The following CAMSAP3 variants were observed in gnomAD, a reference collection of about 807,000 sequenced individuals.
CAMSAP3 encodes calmodulin-regulated spectrin-associated protein 3.
Under a neutral mutation model 112.5 loss-of-function variants are expected in CAMSAP3, and 34 were observed. The ratio of observed to expected loss-of-function variants is 0.30; its 90% CI spans 0.23 to 0.40. The LOEUF is 0.40. Among genes scored for constraint, CAMSAP3 ranks in the 10% least tolerant of loss-of-function variants. The probability of loss-of-function intolerance (pLI) is 1.00; values close to 1 mark genes in which losing one functional copy is unlikely to be tolerated. For synonymous variants in CAMSAP3, 868 were observed against 799.8 expected (o/e 1.09, Z -1.44); for missense variants, 1,602 against 1,770.3 (o/e 0.90, Z 1.71).
At chr19:7,613,520 G>A (rs2030620679) in intron 11 of CAMSAP3, among the ~76,000 whole-genome samples, 1 of 149,530 alleles carries the variant, frequency 6.7e-6, no homozygotes, top group Admixed American at 6.7e-5. Flanking sequence ...AATGAGTGAG[G>A]CCCTCGGGTA....
intron 2 of CAMSAP3, 115 bp from the exon 3 acceptor site, chr19:7,606,156 A>AACTC: frequency 4.4e-6 from 1 of 224,848 alleles, no homozygotes; most frequent in Non-Finnish European, 8.5e-6. Flanking sequence ...CTCAAGCCCC[A>AACTC]CCCCCCCCGT....
chr19:7,595,967 G>C lies in CAMSAP3; in HGVS notation c.-36G>C, dbSNP rs1310989420. 9.7e-7 allele frequency: 1 copy of C among 1,027,424 alleles called. No homozygotes were observed. Among genetic ancestry groups the C allele is most frequent in the Admixed American group, 6.1e-5 (1 of 16,374 alleles). 63.6% of individuals were successfully genotyped at this position (1,027,424 alleles called of 1,614,324 possible). On this transcript the variant is annotated 5_prime_UTR_variant, in exon 1 of 17. Transcript: ENST00000160298. ...GGCGCAGCCCAGCCCAGCCCAGTCC[G>C]AGCGCGGACCCGGCGCCCGCAGCCC...
intron 1 of CAMSAP3, among the ~76,000 whole-genome samples, chr19:7,599,274 GCACTCATCCATCCACCCACCCACCC>G (rs2029863051): frequency 6.0e-5 from 3 of 50,138 alleles, no homozygotes; most frequent in African/African-American, 8.1e-5. Context: ...CCTACCCACT[GCACTCATCCATCCACCCACCCACCC>G]CACTCATCCA....
rs2030732613 is a variant in CAMSAP3 at position 7,615,487 on chromosome 19, T to G, written c.2880T>G (p.Pro960=). 3 of 1,540,520 alleles carry G rather than the reference T, an allele frequency of 1.9e-6. No individual in the cohort carries two copies. The highest frequency in any genetic ancestry group is 2.6e-6 in the Non-Finnish European group (3 of 1,145,650). Residue 960 remains proline (P), a synonymous_variant, in exon 13 of 17, where the codon CCT becomes CCG. Coordinates refer to ENST00000160298, the MANE Select transcript of CAMSAP3 (RefSeq NM_020902.2). The surrounding 1 kb of genome is among the most constrained non-coding windows in gnomAD (Gnocchi z 6.5). ...VSAVPMATPA[P]AARAPAEEEV... ...CAGTCCCGATGGCGACTCCAGCCCCTGCTGCCCGGGCTCCAGCCGAGGAGG... is the reference window on the plus strand; with the variant it reads ...CAGTCCCGATGGCGACTCCAGCCCCGGCTGCCCGGGCTCCAGCCGAGGAGG...
chr19:7,606,745 C>G, intron 4 of CAMSAP3, 174 bp downstream of exon 4: 1 of 1,613,710 alleles, frequency 6.2e-7, no homozygotes. Flanking sequence ...TGCCGGTACC[C>G]GCTGCCCTCC....
chr19:7,611,226 C>T lies in CAMSAP3; in HGVS notation c.1123+58C>T, dbSNP rs908784746. The stretch of plus-strand genomic sequence containing the variant: ...GGACCCCCCCACTCACAGACTGCCC[C>T]AGTGGGCCTCATGTTGTCTCCTCGT... On this transcript the variant is annotated intron_variant, in intron 9 of 16. Transcript: ENST00000160298. The surrounding 1 kb of genome is among the most constrained non-coding windows in gnomAD (Gnocchi z 6.9). The T allele has an allele frequency of 1.4e-5, 22 of 1,524,134 alleles. No individual in the cohort carries two copies. Among genetic ancestry groups the T allele is most frequent in the Non-Finnish European group, 1.8e-5 (20 of 1,101,022 alleles). The allele number at this position is 1,524,134 out of a possible 1,614,324, so 94.4% of individuals were successfully genotyped here.
chr19:7,615,534 A>G lies in CAMSAP3; in HGVS notation c.2927A>G (p.Asp976Gly). 1 of 1,533,558 alleles carries G rather than the reference A, an allele frequency of 6.5e-7. No homozygotes were observed. Among genetic ancestry groups the G allele is most frequent in the Non-Finnish European group, 8.8e-7 (1 of 1,142,460 alleles). 95.0% of individuals were successfully genotyped at this position (1,533,558 alleles called of 1,614,324 possible). Reference protein sequence around the residue: ...AEEEVGPRKGDFTRQEYERRA... With the variant: ...AEEEVGPRKGGFTRQEYERRA... ...GAGGAGGTGGGCCCCCGGAAGGGGG[A>G]CTTCACGCGGCAGGAGTACGAGCGC... is the stretch of plus-strand genomic sequence containing the variant. The change falls in exon 13 of 17, where the codon GAC becomes GGC. Residue 976 changes from aspartate (D) to glycine (G), a missense_variant. Transcript: ENST00000160298. The surrounding 1 kb of genome is among the most constrained non-coding windows in gnomAD (Gnocchi z 6.5).
At position 7,610,092 on chromosome 19, in the gene CAMSAP3, C is replaced by G. The variant is rs1203450029; in HGVS notation, c.761-384C>G. 1.3e-5 allele frequency among the ~76,000 whole-genome samples: 2 copies of G among 151,936 alleles called. No individual in the cohort carries two copies. The highest frequency in any genetic ancestry group is 2.9e-5 in the Non-Finnish European group (2 of 67,984). ...CCAGCACTTTGGGTGGCTGAGGCGG[C>G]CGGATCATGAAGTCAGGAGATCGAG... On this transcript the variant is annotated intron_variant, in intron 5 of 16. Transcript: ENST00000160298. This position sits in a 1 kb window ranked among gnomAD's most constrained non-coding sequence, Gnocchi z 4.9.
rs1423527071 is a variant in CAMSAP3, at chr19:7,605,217, C to T, written c.149-9C>T. 4 of 1,518,468 alleles carry T rather than the reference C, an allele frequency of 2.6e-6. No individual in the cohort carries two copies. The highest frequency in any genetic ancestry group is 2.5e-5 in the East Asian group (1 of 40,706). 94.1% of individuals were successfully genotyped at this position (1,518,468 alleles called of 1,614,324 possible). On this transcript the variant is annotated splice_polypyrimidine_tract_variant and intron_variant, in intron 1 of 16. Transcript: ENST00000160298. ...CTGACCCCCGTGTTTCCCCTCTATG[C>T]CCCCACAGAGCACGTGCCCCCGGAG... is the stretch of plus-strand genomic sequence containing the variant.
rs749027941 is a variant in CAMSAP3 at position 7,611,898 on chromosome 19, G to T, written c.1405G>T (p.Ala469Ser). 3.2e-6 allele frequency: 5 copies of T among 1,576,924 alleles called. No individual in the cohort carries two copies. The highest frequency in any genetic ancestry group is 4.3e-6 in the Non-Finnish European group (5 of 1,159,066). Residue 469 changes from alanine (A) to serine (S), a missense_variant, in exon 11 of 17, where the codon GCC becomes TCC. Physicochemically the swap from Ala to Ser is moderately conservative, Grantham distance 99. Coordinates refer to ENST00000160298, the MANE Select transcript of CAMSAP3 (RefSeq NM_020902.2). The surrounding 1 kb of genome is among the most constrained non-coding windows in gnomAD (Gnocchi z 6.9). ...GGAAGCTCTGCAGATCATCCACAGT[G>T]CCGAGCCCCGGCTCCTCCCAGATGG... The part of the protein sequence containing the change: ...IEEALQIIHS[A>S]EPRLLPDGAA...
At chr19:7,606,748 T>G (rs768506522) in intron 4 of CAMSAP3, 177 bp downstream of exon 4, 22 of 1,613,668 alleles carry the variant, frequency 1.4e-5, no homozygotes, top group Non-Finnish European at 1.9e-5. Flanking sequence ...CGGTACCCGC[T>G]GCCCTCCTCT....
At chr19:7,601,299 C>G (rs760515726) in intron 1 of CAMSAP3, among the ~76,000 whole-genome samples, 1 of 152,046 alleles carries the variant, frequency 6.6e-6, no homozygotes, top group Non-Finnish European at 1.5e-5. Flanking sequence ...TCATTGGGCT[C>G]ACATTATACG....
intron 1 of CAMSAP3, among the ~76,000 whole-genome samples, chr19:7,602,851 A>G (rs1307809668): frequency 8.8e-6 from 1 of 113,066 alleles, no homozygotes; most frequent in African/African-American, 3.2e-5. Context: ...GCCCACAGAT[A>G]TGCTTTGGAG....
chr19:7,612,532 A>G lies in CAMSAP3; in HGVS notation c.2039A>G (p.Lys680Arg). Residue 680 changes from lysine to arginine, a missense_variant, in exon 11 of 17, where the codon AAG becomes AGG. Transcript: ENST00000160298. ...CAGGGTGAGCCAACCTCACGGCCCA[A>G]GGCAGTGACCTTCTCGCCAGACCTG... is the stretch of plus-strand genomic sequence containing the variant. Reference protein sequence around the residue: ...EGQGEPTSRPKAVTFSPDLGP... With the variant: ...EGQGEPTSRPRAVTFSPDLGP... 6.5e-7 allele frequency: 1 copy of G among 1,538,154 alleles called. No individual in the cohort carries two copies. The highest frequency in any genetic ancestry group is 8.7e-7 in the Non-Finnish European group (1 of 1,145,820).
rs2146165274 is a variant in CAMSAP3, at chr19:7,607,237, G to A, written c.621+666G>A. ...GCAGGCAGGGCACCCTCTGGCCAAG[G>A]GGAAGACCCTCCAATGCAGAAGAAG... On this transcript the variant is annotated intron_variant, in intron 4 of 16. Transcript: ENST00000160298. The surrounding 1 kb of genome is among the most constrained non-coding windows in gnomAD (Gnocchi z 4.9). Among the ~76,000 whole-genome samples the A allele has an allele frequency of 6.6e-6, 1 of 152,230 alleles. No individual in the cohort carries two copies. Among genetic ancestry groups the A allele is most frequent in the East Asian group, 1.9e-4 (1 of 5,152 alleles).
rs951429364 is a variant in CAMSAP3 at position 7,617,966 on chromosome 19, C to G, written c.3659C>G (p.Ser1220Cys). The change falls in exon 17 of 17, where the codon TCC becomes TGC. Residue 1220 changes from serine (S) to cysteine (C), a missense_variant. By Grantham distance (112) the Ser-to-Cys change is moderately radical. Transcript: ENST00000160298. This position sits in a 1 kb window ranked among gnomAD's most constrained non-coding sequence, Gnocchi z 7.5. ...RFTQIPAKTMSMSVDAFTIQG... is the reference protein window; with the variant it reads ...RFTQIPAKTMCMSVDAFTIQG... ...ACCCAGATCCCCGCCAAGACCATGT[C>G]CATGAGCGTCGATGCCTTCACCATC... 1.9e-6 allele frequency: 3 copies of G among 1,614,070 alleles called. No homozygotes were observed. In the African/African-American group the frequency reaches 4.0e-5, roughly 22 times the overall value.
chr19:7,616,740 A>T, intron 14 of CAMSAP3, 118 bp downstream of exon 14: 1 of 713,984 alleles, frequency 1.4e-6, no homozygotes, highest in Admixed American at 2.1e-5. Context: ...TGGATACGCC[A>T]TGAAGAGATG....
Position 7,612,979 on chromosome 19 carries a change from CGGAGGA to C in CAMSAP3, c.2488_2493del (p.Glu830_Glu831del). ...CAGACGCGCTCTTCCATCCTCCTGG[CGGAGGA>C]GACGCCCCCCGAGGAGCCAGCCGCC... On this transcript the variant is annotated inframe_deletion, in exon 11 of 17. Transcript: ENST00000160298. The C allele has an allele frequency of 6.3e-7, 1 of 1,591,898 alleles. No individual in the cohort carries two copies. The highest frequency in any genetic ancestry group is 8.5e-7 in the Non-Finnish European group (1 of 1,171,764).
chr19:7,616,555 A>G lies in CAMSAP3; in HGVS notation c.3145A>G (p.Thr1049Ala). The change falls in exon 14 of 17, where the codon ACC (threonine) becomes GCC (alanine). Residue 1049 changes from threonine (T) to alanine (A), a missense_variant. This residue lies in a region of CAMSAP3 where 1,100 missense variants were observed against 1,135.7 expected (regional missense o/e 0.97). Coordinates refer to ENST00000160298, the MANE Select transcript of CAMSAP3 (RefSeq NM_020902.2). ...SRLSKIYSQSTLSLSTVANEA... is the reference protein window; with the variant it reads ...SRLSKIYSQSALSLSTVANEA... ...GCTGAGCAAAATCTATTCCCAGTCC[A>G]CCCTGTCACTGTCCACTGTGGCCAA... The G allele has an allele frequency of 6.2e-7, 1 of 1,611,680 alleles. No homozygotes were observed. The highest frequency in any genetic ancestry group is 2.2e-5 in the East Asian group (1 of 44,746).
Sources: gnomAD v4.1 joint callset for allele counts (sites outside exome capture counted in the v4.1 genomes callset) on GRCh38, gnomAD v4.1.1 for gene constraint, gnomAD v4.1.1 regional missense constraint, Gnocchi (gnomAD v3.1) non-coding constraint, MANE v1.5 for transcripts, NCBI Gene and HGNC (gene_info 2026-07-23, HGNC 2026-07-21) for gene names.